Variants in BMERB1 observed in about 807,000 individuals in gnomAD.
BMERB1 encodes bMERB domain-containing protein 1.
BMERB1 carries 12 observed loss-of-function variants against 23.6 expected under a neutral mutation model. The observed-to-expected ratio is 0.51, with a 90% CI of 0.33 to 0.82. BMERB1 has a LOEUF of 0.82. Among genes scored for constraint, BMERB1 ranks in the 40% least tolerant of loss-of-function variants. The probability of loss-of-function intolerance (pLI) is 0.03; values close to 1 mark genes in which losing one functional copy is unlikely to be tolerated. For missense variants in BMERB1, 247 were observed against 255.4 expected (o/e 0.97, Z 0.22); for synonymous variants, 122 against 96.6 (o/e 1.26, Z -1.54).
chr16:15,475,899 A>C (rs1264453667), intron 1 of BMERB1, among the ~76,000 whole-genome samples: 1 of 152,116 alleles, frequency 6.6e-6, no homozygotes, highest in Non-Finnish European at 1.5e-5. Flanking sequence ...CAGAGTTTTT[A>C]TTGGGGCTCA....
intron 2 of BMERB1, among the ~76,000 whole-genome samples, chr16:15,524,806 T>C (rs2051890847): frequency 6.6e-6 from 1 of 152,146 alleles, no homozygotes; most frequent in Non-Finnish European, 1.5e-5. Context: ...TGTTCTGTAC[T>C]TGACAAGCTC....
Position 15,586,865 on chromosome 16 carries a change from C to G in BMERB1, c.*36C>G. 1 of 1,342,742 alleles carries G rather than the reference C, an allele frequency of 7.4e-7. No homozygotes were observed. The highest frequency in any genetic ancestry group is 1.0e-6 in the Non-Finnish European group (1 of 972,990). 83.2% of individuals were successfully genotyped at this position (1,342,742 alleles called of 1,614,324 possible). A position where few individuals can be genotyped will look rare whatever the true frequency, so the allele number is the denominator to read the frequency against. On this transcript the variant is annotated 3_prime_UTR_variant, in exon 6 of 6. Transcript: ENST00000300006. ...GGGTGCCCTGGGCCATGGGGACCCC[C>G]CCCCACCCTCTTGTCTTTATAGCCC...
At chr16:15,473,358 T>A (rs1200403002) in intron 1 of BMERB1, among the ~76,000 whole-genome samples, 1 of 150,646 alleles carries the variant, frequency 6.6e-6, no homozygotes, top group Non-Finnish European at 1.5e-5. Context: ...TGGTGCCACC[T>A]CAGCTCACTG....
chr16:15,438,579 C>T (rs1437009947), intron 1 of BMERB1, among the ~76,000 whole-genome samples: 1 of 152,010 alleles, frequency 6.6e-6, no homozygotes, highest in African/African-American at 2.4e-5. Flanking sequence ...CCCGCCTCAG[C>T]CTCCCGAGTA....
At chr16:15,447,351 T>C (rs1410236506) in intron 1 of BMERB1, among the ~76,000 whole-genome samples, 1 of 152,100 alleles carries the variant, frequency 6.6e-6, no homozygotes, top group South Asian at 2.1e-4. Flanking sequence ...CAGATACTTA[T>C]CAAACAACCA....
chr16:15,484,855 A>G (rs1169246365), intron 1 of BMERB1, among the ~76,000 whole-genome samples: 3 of 152,190 alleles, frequency 2.0e-5, no homozygotes, highest in African/African-American at 7.2e-5. Context: ...CAAGGAAACC[A>G]CTTACCCATT....
chr16:15,542,540 G>T (rs2052096527), intron 2 of BMERB1, among the ~76,000 whole-genome samples: 1 of 151,908 alleles, frequency 6.6e-6, no homozygotes. Context: ...AACTCCAGGG[G>T]CTTTAGGAGC....
intron 1 of BMERB1, among the ~76,000 whole-genome samples, chr16:15,442,508 TA>T (rs1229712708): frequency 3.3e-5 from 5 of 152,182 alleles, no homozygotes; most frequent in Admixed American, 6.5e-5. Context: ...TGTCTGCTCA[TA>T]ACTTTGCTCA....
intron 1 of BMERB1, among the ~76,000 whole-genome samples, chr16:15,478,082 G>A (rs1046862620): frequency 2.0e-5 from 3 of 152,154 alleles, no homozygotes; most frequent in South Asian, 2.1e-4. Context: ...AGGTTTGTGT[G>A]TGTGTGTCTG....
chr16:15,515,831 A>G (rs2051745137), intron 2 of BMERB1, among the ~76,000 whole-genome samples: 1 of 152,126 alleles, frequency 6.6e-6, no homozygotes, highest in African/African-American at 2.4e-5. Context: ...CAGTTCCCTC[A>G]TTTCTAAAAT....
At chr16:15,568,807 G>A (rs2030648864) in intron 3 of BMERB1, among the ~76,000 whole-genome samples, 1 of 152,096 alleles carries the variant, frequency 6.6e-6, no homozygotes, top group Admixed American at 6.5e-5. Flanking sequence ...TAACTTTGAA[G>A]TCACCCCAGA....
At chr16:15,543,789 C>G (rs2052107834) in intron 2 of BMERB1, among the ~76,000 whole-genome samples, 1 of 152,050 alleles carries the variant, frequency 6.6e-6, no homozygotes, top group Non-Finnish European at 1.5e-5. Context: ...CCACTGCATG[C>G]CAGCCTGGAC....
chr16:15,448,152 C>A (rs62039105), intron 1 of BMERB1: 45 of 309,716 alleles, frequency 1.5e-4, no homozygotes, highest in African/African-American at 9.6e-4. Flanking sequence ...GGCCTGCCAA[C>A]GCGCTGGGAT....
At chr16:15,439,777 G>T (rs369081508) in intron 1 of BMERB1, among the ~76,000 whole-genome samples, 2 of 152,164 alleles carry the variant, frequency 1.3e-5, no homozygotes, top group Non-Finnish European at 2.9e-5. Context: ...AATTAATTGA[G>T]GGAGACATGC....
At position 15,465,353 on chromosome 16, in the gene BMERB1, ATT is replaced by A. The variant is rs4012914; in HGVS notation, c.106+30610_106+30611del. ...AAATTTGGTCAATGCTAAGATATATATTTTTTTTTTTTTTTTTGAGACTGGGT... is the reference window on the plus strand; with the variant it reads ...AAATTTGGTCAATGCTAAGATATATATTTTTTTTTTTTTTTGAGACTGGGT... On this transcript the variant is annotated intron_variant, in intron 1 of 5. Coordinates refer to ENST00000300006, the MANE Select transcript of BMERB1 (RefSeq NM_033201.3). 4.5e-3 allele frequency among the ~76,000 whole-genome samples: 602 copies of A among 133,370 alleles called. 1 individual carries two copies. The highest frequency in any genetic ancestry group is 8.0e-3 in the Middle Eastern group (2 of 250). 87.5% of individuals were successfully genotyped at this position (133,370 alleles called of 152,430 possible).
In BMERB1 at chr16:15,439,889, A is replaced by G. The variant is rs533787133; in HGVS notation, c.106+5130A>G. ...TTTGTATGTGTCTTAAAGGATGATCAAGATTTTGGACAGGGGAAATGGAGG... is the reference window on the plus strand; with the variant it reads ...TTTGTATGTGTCTTAAAGGATGATCGAGATTTTGGACAGGGGAAATGGAGG... On this transcript the variant is annotated intron_variant, in intron 1 of 5. Transcript: ENST00000300006. 2.6e-5 allele frequency among the ~76,000 whole-genome samples: 4 copies of G among 152,244 alleles called. No homozygotes were observed. In the South Asian group the frequency reaches 8.3e-4, roughly 32 times the overall value.
intron 1 of BMERB1, among the ~76,000 whole-genome samples, chr16:15,488,784 C>CTCCA (rs2051389579): frequency 6.7e-6 from 1 of 148,590 alleles, no homozygotes; most frequent in Non-Finnish European, 1.5e-5. Context: ...CGCCACTGCA[C>CTCCA]TCCAGCCTGG....
chr16:15,490,156 C>G (rs1205923684), intron 1 of BMERB1, among the ~76,000 whole-genome samples: 1 of 152,132 alleles, frequency 6.6e-6, no homozygotes, highest in African/African-American at 2.4e-5. Flanking sequence ...AAGCCACCTG[C>G]ACCCAGCCCT....
chr16:15,527,137 A>G (rs2051917276), intron 2 of BMERB1, among the ~76,000 whole-genome samples: 1 of 152,036 alleles, frequency 6.6e-6, no homozygotes, highest in South Asian at 2.1e-4. Flanking sequence ...TATGTCATTA[A>G]GAACATTCAT....
Sources: allele counts gnomAD v4.1 joint callset (sites outside exome capture counted in the v4.1 genomes callset), GRCh38; gene constraint gnomAD v4.1.1; transcripts MANE v1.5; gene names NCBI Gene and HGNC (gene_info 2026-07-23, HGNC 2026-07-21).